The following EPM2A variants were observed in gnomAD, a reference collection of about 807,000 sequenced individuals.
EPM2A encodes EPM2A glucan phosphatase, laforin, also known as laforin.
Under a neutral mutation model 26.5 loss-of-function variants are expected in EPM2A, and 21 were observed. That is an observed-to-expected ratio of 0.79 (90% CI 0.56 to 1.14). The LOEUF (loss-of-function observed/expected upper bound fraction) is 1.14, where lower values mean the gene tolerates loss of function less well. Ranked by LOEUF, EPM2A falls within the 50% of genes most tolerant of loss-of-function variation. The pLI, the probability that EPM2A is intolerant of heterozygous loss-of-function variation, is 0.00. For missense variants in EPM2A, 458 were observed against 440.8 expected, an observed-to-expected ratio of 1.04 and a Z score of -0.35; for synonymous variants, 217 against 177.6, an observed-to-expected ratio of 1.22 and a Z score of -1.76.
intron 2 of EPM2A, among the ~76,000 whole-genome samples, chr6:145,652,840 G>A (rs754355844): frequency 5.3e-5 from 8 of 152,024 alleles, no homozygotes; most frequent in Non-Finnish European, 7.4e-5. Flanking sequence ...AGAACTGCCT[G>A]CAGCCTCTAA....
intron 2 of EPM2A, among the ~76,000 whole-genome samples, chr6:145,604,294 TATACA>T (rs1438287863): frequency 1.3e-5 from 2 of 152,130 alleles, no homozygotes; most frequent in African/African-American, 4.8e-5. Context: ...AATATTACCA[TATACA>T]AAGATCTGAA....
At chr6:145,722,625 T>C (rs1176175117) in intron 1 of EPM2A, 1 of 282,492 alleles carries the variant, frequency 3.5e-6, no homozygotes, top group East Asian at 1.2e-4. Context: ...TTAGAAAAGA[T>C]TTACTCTGTT....
At chr6:145,475,509 T>C (rs1013563857) in intron 4 of EPM2A, among the ~76,000 whole-genome samples, 1 of 151,976 alleles carries the variant, frequency 6.6e-6, no homozygotes, top group African/African-American at 2.4e-5. Flanking sequence ...AAATATCTAA[T>C]GTAGATGATG....
At chr6:145,671,813 C>T (rs1012049500) in intron 2 of EPM2A, among the ~76,000 whole-genome samples, 1 of 151,968 alleles carries the variant, frequency 6.6e-6, no homozygotes, top group Non-Finnish European at 1.5e-5. Flanking sequence ...TCTTTCTGAG[C>T]CAAAGAAGGT....
At chr6:145,677,526 A>G (rs1459622740) in intron 2 of EPM2A, among the ~76,000 whole-genome samples, 1 of 152,236 alleles carries the variant, frequency 6.6e-6, no homozygotes, top group Non-Finnish European at 1.5e-5. Flanking sequence ...TTGTATATTT[A>G]GAAAACCCCA....
At position 145,735,356 on chromosome 6, in the gene EPM2A, C is replaced by T. The variant is rs946076987; in HGVS notation, c.143G>A (p.Gly48Asp). ...VRLRPAGTAA[G>D]DGALALQEPG... ...CTCCTGCAGGGCCAGGGCCCCGTCG[C>T]CCGCCGCGGTGCCGGCCGGCCTCAG... The change falls in exon 1 of 4, where the codon GGC (glycine) becomes GAC (aspartate). Residue 48 changes from glycine to aspartate, a missense_variant. Physicochemically the swap from Gly to Asp is moderately conservative, Grantham distance 94 (BLOSUM62 -1). Coordinates refer to ENST00000367519, the MANE Select transcript of EPM2A (RefSeq NM_005670.4). 517 of 1,309,652 alleles carry T rather than the reference C, an allele frequency of 3.9e-4. 1 individual carries two copies. The highest frequency in any genetic ancestry group is 4.7e-4 in the Admixed American group (14 of 29,642). The allele number at this position is 1,309,652 out of a possible 1,614,324, so 81.1% of individuals were successfully genotyped here.
At chr6:145,710,665 T>C (rs1775262671) in intron 1 of EPM2A, among the ~76,000 whole-genome samples, 1 of 152,114 alleles carries the variant, frequency 6.6e-6, no homozygotes, top group African/African-American at 2.4e-5. Context: ...TAAAGACACA[T>C]GCACATGTAT....
chr6:145,541,839 A>C (rs528175802), intron 2 of EPM2A, among the ~76,000 whole-genome samples: 4 of 152,282 alleles, frequency 2.6e-5, no homozygotes, highest in African/African-American at 9.6e-5. Context: ...ACTCTGATTG[A>C]TTTCTGTACC....
intron 1 of EPM2A, 26 bp from the exon 2 acceptor site, chr6:145,686,322 G>A (rs772516204): frequency 5.4e-5 from 86 of 1,591,028 alleles, no homozygotes; most frequent in Non-Finnish European, 6.9e-5. Context: ...ATGATAAACA[G>A]AGCAATTAAA....
chr6:145,728,603 G>C (rs1177682909), intron 1 of EPM2A, among the ~76,000 whole-genome samples: 2 of 152,204 alleles, frequency 1.3e-5, no homozygotes, highest in African/African-American at 4.8e-5. Context: ...AAGCATTCAA[G>C]GTGTGGTCTG....
At chr6:145,688,717 A>G (rs1781090423) in intron 1 of EPM2A, among the ~76,000 whole-genome samples, 1 of 152,244 alleles carries the variant, frequency 6.6e-6, no homozygotes, top group African/African-American at 2.4e-5. Context: ...AAAGTCTGAA[A>G]GTTTTTCAAT....
intron 2 of EPM2A, among the ~76,000 whole-genome samples, chr6:145,601,615 T>TAA (rs1319675305): frequency 6.6e-6 from 1 of 152,220 alleles, no homozygotes; most frequent in Non-Finnish European, 1.5e-5. Flanking sequence ...CTTATTAACT[T>TAA]ACGATGTTCA....
At chr6:145,485,189 G>A (rs2114736524) in intron 4 of EPM2A, among the ~76,000 whole-genome samples, 1 of 151,828 alleles carries the variant, frequency 6.6e-6, no homozygotes, top group East Asian at 1.9e-4. Flanking sequence ...AATTGCAATA[G>A]AAAAATGTAT....
chr6:145,489,150 A>T (rs573103576), intron 4 of EPM2A, among the ~76,000 whole-genome samples: 105 of 152,312 alleles, frequency 6.9e-4, no homozygotes, highest in African/African-American at 2.4e-3. Flanking sequence ...TGTTCCAACG[A>T]AAGAAAGCCA....
chr6:145,390,556 A>G (rs1188819034), intron 4 of EPM2A, among the ~76,000 whole-genome samples: 3 of 109,694 alleles, frequency 2.7e-5, no homozygotes, highest in Non-Finnish European at 6.4e-5. Context: ...CATGTTGTGC[A>G]TGCACATTCT....
At chr6:145,696,821 G>C (rs983688978) in intron 1 of EPM2A, among the ~76,000 whole-genome samples, 2 of 137,224 alleles carry the variant, frequency 1.5e-5, no homozygotes, top group African/African-American at 2.9e-5. Context: ...GTGTGTGTGT[G>C]TGTGTGGTGT....
chr6:145,395,671 C>T (rs1778395636), intron 4 of EPM2A, among the ~76,000 whole-genome samples: 1 of 152,138 alleles, frequency 6.6e-6, no homozygotes, highest in Non-Finnish European at 1.5e-5. Flanking sequence ...CTCACTGTAA[C>T]CTCCTTAACC....
rs1200288104 is a variant in EPM2A, at chr6:145,563,468, T to TA, written c.341-60894dup. On this transcript the variant is annotated intron_variant, in intron 2 of 3. Coordinates refer to the EPM2A transcript ENST00000450221. ...TCTGGCAAGCAGAGGAAGATGCGGT[T>TA]AGAGAGGCCAGAGCATGCAGGGCTC... Among the ~76,000 whole-genome samples the TA allele has an allele frequency of 1.3e-4, 20 of 151,744 alleles. No homozygotes were observed. The East Asian group carries it at 2.9e-3, about 22-fold the overall frequency.
intron 2 of EPM2A, among the ~76,000 whole-genome samples, chr6:145,668,253 GC>G (rs1484711364): frequency 6.6e-6 from 1 of 152,018 alleles, no homozygotes; most frequent in African/African-American, 2.4e-5. Flanking sequence ...GACAGGATCT[GC>G]AATCTAAGAA....
Sources: allele counts gnomAD v4.1 joint callset (sites outside exome capture counted in the v4.1 genomes callset), GRCh38; gene constraint gnomAD v4.1.1; transcripts MANE v1.5; gene names NCBI Gene and HGNC (gene_info 2026-07-23, HGNC 2026-07-21).